The following NKAIN2 variants were observed in gnomAD, a reference collection of about 807,000 sequenced individuals.
The protein encoded by NKAIN2 is sodium/potassium-transporting ATPase subunit beta-1-interacting protein 2.
A neutral mutation model predicts 32.6 loss-of-function variants in NKAIN2; 14 were observed. The observed-to-expected ratio is 0.43, with a 90% CI of 0.28 to 0.67. The LOEUF (loss-of-function observed/expected upper bound fraction) is 0.67. NKAIN2 is among the 30% of genes least tolerant of loss of function. The pLI, the probability that NKAIN2 is intolerant of heterozygous loss-of-function variation, is 0.17. For missense variants in NKAIN2, 198 were observed against 258.3 expected (o/e 0.77, Z 1.60); for synonymous variants, 80 against 87.2 (o/e 0.92, Z 0.46).
At chr6:123,862,462 C>A (rs950081262) in intron 1 of NKAIN2, among the ~76,000 whole-genome samples, 5 of 152,090 alleles carry the variant, frequency 3.3e-5, no homozygotes, top group Admixed American at 3.3e-4. Flanking sequence ...CTTCATCATC[C>A]AAAAAGGTTA....
chr6:123,871,636 C>T (rs1772889068), intron 1 of NKAIN2, among the ~76,000 whole-genome samples: 1 of 152,192 alleles, frequency 6.6e-6, no homozygotes, highest in Admixed American at 6.5e-5. Context: ...CTTTTCACAT[C>T]TGAATGTCTG....
Position 124,338,597 on chromosome 6 carries a change from A to G in NKAIN2, c.193-16670A>G, listed in dbSNP as rs368464584. On this transcript the variant is annotated intron_variant, in intron 2 of 6. Coordinates refer to ENST00000368417, the MANE Select transcript of NKAIN2 (RefSeq NM_001040214.3). ...TTTCACAAGTTTGGAAATATTCAGAACTCTAAATTTATTTATTTCTGCATC... is the reference window on the plus strand; with the variant it reads ...TTTCACAAGTTTGGAAATATTCAGAGCTCTAAATTTATTTATTTCTGCATC... Among the ~76,000 whole-genome samples the G allele has an allele frequency of 1.3e-3, 196 of 152,246 alleles. 5 individuals carry two copies. The South Asian group carries it at 0.04, about 31-fold the overall frequency.
At chr6:124,450,402 CCTT>C (rs1441276326) in intron 3 of NKAIN2, among the ~76,000 whole-genome samples, 35 of 151,938 alleles carry the variant, frequency 2.3e-4, no homozygotes, top group African/African-American at 8.0e-4. Context: ...CTGAAAACTC[CCTT>C]CTTATATGTG....
In NKAIN2 at chr6:124,590,144, A is replaced by G. The variant is rs188353982; in HGVS notation, c.274-68042A>G. The stretch of plus-strand genomic sequence containing the variant: ...AACCCAAAGAGCAAGCTAGTCACTA[A>G]TTATGTTAAATAATGCTGAATAATG... On this transcript the variant is annotated intron_variant, in intron 3 of 6. Transcript: ENST00000368417. 2.0e-5 allele frequency among the ~76,000 whole-genome samples: 3 copies of G among 152,278 alleles called. No individual in the cohort carries two copies. In the East Asian group the frequency reaches 5.8e-4, roughly 29 times the overall value.
chr6:124,515,708 T>TTTTTCCCTTCTGTCTTTG (rs1562232371), intron 3 of NKAIN2, among the ~76,000 whole-genome samples: 1 of 3,438 alleles, frequency 2.9e-4, no homozygotes, highest in African/African-American at 3.1e-4. Flanking sequence ...TTTTCTTCGC[T>TTTTTCCCTTCTGTCTTTG]TTCTCTCCGT....
In NKAIN2 at chr6:123,895,572, G is replaced by A. The variant is rs558109483; in HGVS notation, c.54+91318G>A. ...TTCTTGGTCTACTTACCTAGGGACA[G>A]GTTAGGGTCACAGGAACATGAAATG... On this transcript the variant is annotated intron_variant, in intron 1 of 6. Coordinates refer to ENST00000368417, the MANE Select transcript of NKAIN2 (RefSeq NM_001040214.3). Among the ~76,000 whole-genome samples the A allele has an allele frequency of 1.1e-3, 164 of 152,284 alleles. 1 individual carries two copies. Among genetic ancestry groups the A allele is most frequent in the Middle Eastern group, 6.8e-3 (2 of 294 alleles).
At chr6:124,361,272 A>G (rs567611880) in intron 3 of NKAIN2, among the ~76,000 whole-genome samples, 117 of 152,214 alleles carry the variant, frequency 7.7e-4, no homozygotes, top group African/African-American at 2.7e-3. Context: ...GTAAAAACCT[A>G]TATTTTATTG....
At chr6:124,241,877 C>G (rs1406088222) in intron 1 of NKAIN2, among the ~76,000 whole-genome samples, 2 of 151,980 alleles carry the variant, frequency 1.3e-5, no homozygotes, top group African/African-American at 4.8e-5. Context: ...GGACCCCTTC[C>G]TTACACCTTA....
intron 1 of NKAIN2, among the ~76,000 whole-genome samples, chr6:123,982,789 G>C (rs1778957949): frequency 6.6e-6 from 1 of 152,134 alleles, no homozygotes; most frequent in African/African-American, 2.4e-5. Context: ...CAAAAGACAA[G>C]TTAAAAGGAT....
At chr6:124,303,072 G>A (rs1044758522) in intron 2 of NKAIN2, among the ~76,000 whole-genome samples, 1 of 152,264 alleles carries the variant, frequency 6.6e-6, no homozygotes, top group Admixed American at 6.5e-5. Flanking sequence ...GGGTATGTAT[G>A]TGCATCTTTC....
chr6:124,172,196 C>T (rs1340684846), intron 1 of NKAIN2, among the ~76,000 whole-genome samples: 1 of 152,070 alleles, frequency 6.6e-6, no homozygotes, highest in Admixed American at 6.6e-5. Flanking sequence ...TTTAATTCTT[C>T]TTTGAATAAT....
Position 124,472,963 on chromosome 6 carries a change from ACT to A in NKAIN2, c.273+117621_273+117622del, listed in dbSNP as rs1169422079. 3.3e-5 allele frequency among the ~76,000 whole-genome samples: 5 copies of A among 152,056 alleles called. No homozygotes were observed. In the South Asian group the frequency reaches 6.2e-4, roughly 19 times the overall value. Reference sequence around the variant, plus strand: ...GGGAGAGTTTGGCTTAGAATTTCATACTCTCTGCCTCCTCTCGCTGGAGAATA... The same window carrying A: ...GGGAGAGTTTGGCTTAGAATTTCATACTCTGCCTCCTCTCGCTGGAGAATA... On this transcript the variant is annotated intron_variant, in intron 3 of 6. Coordinates refer to ENST00000368417, the MANE Select transcript of NKAIN2 (RefSeq NM_001040214.3).
At chr6:123,835,221 T>C (rs1253870940) in intron 1 of NKAIN2, among the ~76,000 whole-genome samples, 1 of 152,216 alleles carries the variant, frequency 6.6e-6, no homozygotes, top group Non-Finnish European at 1.5e-5. Context: ...TACTATTGAA[T>C]TATATCACAA....
intron 4 of NKAIN2, among the ~76,000 whole-genome samples, chr6:124,710,505 T>C (rs1274983392): frequency 6.6e-6 from 1 of 152,070 alleles, no homozygotes; most frequent in Non-Finnish European, 1.5e-5. Flanking sequence ...TTTATGAATC[T>C]GGGTGCTCCT....
intron 3 of NKAIN2, among the ~76,000 whole-genome samples, chr6:124,612,750 A>G (rs1049150269): frequency 6.6e-6 from 1 of 152,242 alleles, no homozygotes; most frequent in African/African-American, 2.4e-5. Flanking sequence ...TAGGAAAGAT[A>G]TAATCACAAT....
intron 3 of NKAIN2, among the ~76,000 whole-genome samples, chr6:124,493,165 T>C (rs150382862): frequency 1.3e-3 from 202 of 152,012 alleles, no homozygotes; most frequent in Middle Eastern, 3.4e-3. Flanking sequence ...ATTTGAAGAA[T>C]TAAATCTACA....
At chr6:124,031,896 C>A (rs1034184922) in intron 1 of NKAIN2, among the ~76,000 whole-genome samples, 3 of 152,034 alleles carry the variant, frequency 2.0e-5, no homozygotes, top group Non-Finnish European at 4.4e-5. Context: ...CCATTTGACC[C>A]AGCAATCCCA....
In NKAIN2 at chr6:124,143,778, A is replaced by T. The variant is rs545785474; in HGVS notation, c.55-139227A>T. Among the ~76,000 whole-genome samples the T allele has an allele frequency of 1.0e-3, 153 of 152,342 alleles. 1 individual carries two copies. The highest frequency in any genetic ancestry group is 7.3e-3 in the South Asian group (35 of 4,818). ...AATCTAGTAGAATTATTTATAAAAAATTCATAAAATGTATATACCTATCAT... is the reference window on the plus strand; with the variant it reads ...AATCTAGTAGAATTATTTATAAAAATTTCATAAAATGTATATACCTATCAT... On this transcript the variant is annotated intron_variant, in intron 1 of 6. Transcript: ENST00000368417.
At chr6:124,088,050 C>T (rs976793653) in intron 1 of NKAIN2, among the ~76,000 whole-genome samples, 4 of 151,946 alleles carry the variant, frequency 2.6e-5, no homozygotes, top group South Asian at 2.1e-4. Context: ...AAGCAGTGCA[C>T]GTTAGAGTCT....
Sources: gnomAD v4.1 joint callset for allele counts (sites outside exome capture counted in the v4.1 genomes callset) on GRCh38, gnomAD v4.1.1 for gene constraint, MANE v1.5 for transcripts, NCBI Gene and HGNC (gene_info 2026-07-23, HGNC 2026-07-21) for gene names.